CEP72: variants seen among roughly 807,000 people sequenced by gnomAD.
CEP72 encodes centrosomal protein 72.
Under a neutral mutation model 65.7 loss-of-function variants are expected in CEP72, and 78 were observed. The observed-to-expected ratio is 1.19, with a 90% CI of 0.99 to 1.43. The LOEUF is 1.43. Ranked by LOEUF, CEP72 falls within the 40% of genes most tolerant of loss-of-function variation. CEP72 has a pLI of 0.00. For synonymous variants in CEP72, 358 were observed against 351.7 expected (o/e 1.02, Z -0.20); for missense variants, 914 against 832.9 (o/e 1.10, Z -1.20).
At chr5:644,721 A>G (rs113812578) in intron 10 of CEP72, among the ~76,000 whole-genome samples, 1 of 152,118 alleles carries the variant, frequency 6.6e-6, no homozygotes, top group African/African-American at 2.4e-5. Flanking sequence ...CAGCTGCTGG[A>G]GGGGCCTGGT....
At chr5:668,555 A>C (rs1373037634), downstream of CEP72, among the ~76,000 whole-genome samples, 1 of 152,096 alleles carries the variant, frequency 6.6e-6, no homozygotes, top group Admixed American at 6.5e-5. Flanking sequence ...AATCAAATAA[A>C]CTGCCGGCAC....
At position 631,354 on chromosome 5, in the gene CEP72, A is replaced by G. The variant is rs372773943; in HGVS notation, c.513-2415A>G. Among the ~76,000 whole-genome samples the G allele has an allele frequency of 7.9e-3, 34 of 4,282 alleles. 2 individuals carry two copies. Among genetic ancestry groups the G allele is most frequent in the Non-Finnish European group, 7.4e-3 (21 of 2,846 alleles). 2.8% of individuals were successfully genotyped at this position (4,282 alleles called of 152,430 possible). ...TTTGGCCCAGTCCTGGTGGGGTTCT[A>G]TCCAGTGCCGGGATTTGACCCAGTC... On this transcript the variant is annotated intron_variant, in intron 4 of 11. Coordinates refer to ENST00000264935, the MANE Select transcript of CEP72 (RefSeq NM_018140.4).
Position 634,003 on chromosome 5 carries a change from A to T in CEP72, c.691+56A>T. On this transcript the variant is annotated intron_variant, in intron 5 of 11. Transcript: ENST00000264935. ...GGTCCGCTGGCTCTGGGATATATAT[A>T]GTCGTTACTGGGCTTGGAGTCCACA... 9 of 1,539,208 alleles carry T rather than the reference A, an allele frequency of 5.8e-6. No homozygotes were observed. The South Asian group carries it at 1.0e-4, about 18-fold the overall frequency.
downstream of CEP72, among the ~76,000 whole-genome samples, chr5:668,642 CT>C (rs527922194): frequency 7.0e-4 from 107 of 152,378 alleles, no homozygotes; most frequent in African/African-American, 2.4e-3. Context: ...CTGTGGACAG[CT>C]TCTCATCACA....
downstream of CEP72, among the ~76,000 whole-genome samples, chr5:653,881 G>A (rs1739264221): frequency 6.6e-6 from 1 of 152,224 alleles, no homozygotes; most frequent in Non-Finnish European, 1.5e-5. Context: ...GGTAAGACAA[G>A]GTCATTTTTT....
At chr5:673,841 C>T in the CEP72 span, among the ~76,000 whole-genome samples, 3 of 152,336 alleles carry the variant, frequency 2.0e-5, no homozygotes, top group East Asian at 3.9e-4. Flanking sequence ...TCCTGGGGTG[C>T]CAGCACCCCC....
intron 10 of CEP72, among the ~76,000 whole-genome samples, chr5:644,769 A>G (rs555865688): frequency 3.9e-5 from 6 of 152,270 alleles, no homozygotes; most frequent in Admixed American, 2.6e-4. Flanking sequence ...GCGTCCTCCC[A>G]TGGTTATGCT....
chr5:668,448 G>T (rs61419136), downstream of CEP72, among the ~76,000 whole-genome samples: 8 of 105,282 alleles, frequency 7.6e-5, no homozygotes, highest in Non-Finnish European at 1.0e-4. Context: ...AGGGAAGTGC[G>T]GACAAGCACA....
chr5:649,085 TGA>T (rs1738695610), intron 11 of CEP72, among the ~76,000 whole-genome samples: 1 of 143,698 alleles, frequency 7.0e-6, no homozygotes. Flanking sequence ...GGTGTGACTG[TGA>T]GGTGTGACTG....
chr5:669,559 G>A (rs200241051), downstream of CEP72, among the ~76,000 whole-genome samples: 14 of 152,252 alleles, frequency 9.2e-5, no homozygotes, highest in East Asian at 7.8e-4. Flanking sequence ...GCTGACATGC[G>A]GACGCCAGGC....
chr5:673,559 G>C, the CEP72 span, among the ~76,000 whole-genome samples: 2 of 152,118 alleles, frequency 1.3e-5, no homozygotes, highest in African/African-American at 4.8e-5. Context: ...CCCACACGGC[G>C]CCCACTCACG....
chr5:670,083 CCTGGCCT>C (rs1319600899), downstream of CEP72, among the ~76,000 whole-genome samples: 6 of 81,262 alleles, frequency 7.4e-5, no homozygotes, highest in Non-Finnish European at 1.4e-4. Context: ...CTCTGAGTCC[CCTGGCCT>C]CTGGGCCTGG....
Position 619,071 on chromosome 5 carries a change from G to T in CEP72, c.164G>T (p.Gly55Val). ...HLGHSLMSLT[G>V]LKSLDLSRNS... The stretch of plus-strand genomic sequence containing the variant: ...GGACATTCTCTGATGAGTTTAACAG[G>T]TCTGAAATCTTTGGATCTCTCGCGC... Residue 55 changes from glycine (G) to valine (V), a missense_variant, in exon 2 of 12, where the codon GGT (glycine) becomes GTT (valine). Physicochemically the swap from Gly to Val is moderately radical, Grantham distance 109. Coordinates refer to ENST00000264935, the MANE Select transcript of CEP72 (RefSeq NM_018140.4). 6.2e-7 allele frequency: 1 copy of T among 1,613,872 alleles called. No homozygotes were observed. The highest frequency in any genetic ancestry group is 8.5e-7 in the Non-Finnish European group (1 of 1,179,772).
chr5:673,799 A>G, the CEP72 span, among the ~76,000 whole-genome samples: 5 of 152,184 alleles, frequency 3.3e-5, no homozygotes, highest in African/African-American at 1.2e-4. Flanking sequence ...GCCTCTGGGA[A>G]CAGGCCCAGA....
chr5:622,928 A>G (rs966986474), intron 3 of CEP72, among the ~76,000 whole-genome samples: 8 of 152,234 alleles, frequency 5.3e-5, no homozygotes, highest in African/African-American at 1.9e-4. Context: ...TATTCTAGGT[A>G]ATTTTTGGAG....
At chr5:666,177 T>G in intron 4 of CEP72, 1 of 1,566,932 alleles carries the variant, frequency 6.4e-7, no homozygotes. Context: ...AGGGCTGCCC[T>G]CCCCACGCGT....
chr5:673,244 G>A, the CEP72 span, among the ~76,000 whole-genome samples: 1 of 152,214 alleles, frequency 6.6e-6, no homozygotes, highest in Non-Finnish European at 1.5e-5. Context: ...CCTCGTGGTG[G>A]CCCTGCTCCT....
chr5:627,880 TGAAAA>T (rs1253420550), intron 4 of CEP72, among the ~76,000 whole-genome samples: 2 of 152,186 alleles, frequency 1.3e-5, no homozygotes, highest in South Asian at 2.1e-4. Flanking sequence ...CAGAAACTGA[TGAAAA>T]GAAAGGGAGT....
rs1267361116 is a variant in CEP72, at chr5:612,387, T to C, written c.26T>C (p.Val9Ala). 3 of 1,490,984 alleles carry C rather than the reference T, an allele frequency of 2.0e-6. No individual in the cohort carries two copies. Among genetic ancestry groups the C allele is most frequent in the African/African-American group, 2.9e-5 (2 of 68,450 alleles). The allele number at this position is 1,490,984 out of a possible 1,614,324, so 92.4% of individuals were successfully genotyped here. A position where few individuals can be genotyped will look rare whatever the true frequency, so the allele number is the denominator to read the frequency against. MARAGPRL[V>A]LSEEAVRAKS... ...ATGGCGCGGGCTGGCCCTCGGCTGG[T>C]GCTGAGCGAGGAGGCGGTTCGGGCG... The change falls in exon 1 of 12, where the codon GTG becomes GCG. Residue 9 changes from valine (V) to alanine (A), a missense_variant. Val to Ala is a moderately conservative substitution (Grantham distance 64). Coordinates refer to ENST00000264935, the MANE Select transcript of CEP72 (RefSeq NM_018140.4).
Sources: allele counts gnomAD v4.1 joint callset (sites outside exome capture counted in the v4.1 genomes callset), GRCh38; gene constraint gnomAD v4.1.1; transcripts MANE v1.5; gene names NCBI Gene and HGNC (gene_info 2026-07-23, HGNC 2026-07-21).